The following ZNF536 variants were observed in gnomAD, a reference collection of about 807,000 sequenced individuals.
The protein encoded by ZNF536 is zinc finger protein 536.
A neutral mutation model predicts 84.5 loss-of-function variants in ZNF536; 13 were observed. The observed-to-expected ratio is 0.15, with a 90% confidence interval of 0.10 to 0.24. The LOEUF (loss-of-function observed/expected upper bound fraction) is 0.24, where lower values mean the gene tolerates loss of function less well. Ranked by LOEUF, ZNF536 falls within the 10% of genes least tolerant of loss-of-function variation. The pLI is 1.00. For synonymous variants in ZNF536, 811 were observed against 742.5 expected, an observed-to-expected ratio of 1.09 and a Z score of -1.50; for missense variants, 1,536 against 1,747.5, an observed-to-expected ratio of 0.88 and a Z score of 2.16.
chr19:30,426,880 G>T (rs772066404), intron 1 of ZNF536, among the ~76,000 whole-genome samples: 2 of 152,148 alleles, frequency 1.3e-5, no homozygotes, highest in Non-Finnish European at 2.9e-5. Context: ...TCAATAATTT[G>T]TTGGTGGGAC....
chr19:30,518,552 C>T (rs2044185180), intron 2 of ZNF536, among the ~76,000 whole-genome samples: 1 of 152,200 alleles, frequency 6.6e-6, no homozygotes, highest in South Asian at 2.1e-4. Flanking sequence ...AGTTGTCTCT[C>T]TCAATTATAG....
chr19:30,408,417 T>C (rs1248829946), intron 1 of ZNF536, among the ~76,000 whole-genome samples: 1 of 152,208 alleles, frequency 6.6e-6, no homozygotes, highest in East Asian at 1.9e-4. Context: ...ACCACCTTTG[T>C]TCCTTGAGCT....
intron 3 of ZNF536, among the ~76,000 whole-genome samples, chr19:30,352,765 A>G (rs1011516022): frequency 6.6e-6 from 1 of 152,046 alleles, no homozygotes; most frequent in Non-Finnish European, 1.5e-5. Flanking sequence ...GCACAAAGAG[A>G]TCGTGAAAAA....
intron 1 of ZNF536, among the ~76,000 whole-genome samples, chr19:30,266,451 T>C (rs543254418): frequency 1.3e-5 from 2 of 152,310 alleles, no homozygotes; most frequent in East Asian, 3.9e-4. Flanking sequence ...TTGGACCCAG[T>C]GGTGGCTTCC....
intron 1 of ZNF536, among the ~76,000 whole-genome samples, chr19:30,570,757 A>T (rs1294233070): frequency 6.6e-6 from 1 of 152,218 alleles, no homozygotes; most frequent in East Asian, 1.9e-4. Flanking sequence ...ATATCAATAA[A>T]TATACCCCTT....
chr19:30,392,534 C>T (rs769216529), intron 1 of ZNF536, among the ~76,000 whole-genome samples: 4 of 152,180 alleles, frequency 2.6e-5, no homozygotes, highest in Non-Finnish European at 4.4e-5. Flanking sequence ...CTGAATGCCA[C>T]GGCCTCCCAA....
At chr19:30,472,918 G>A (rs2053695448) in intron 2 of ZNF536, among the ~76,000 whole-genome samples, 1 of 151,918 alleles carries the variant, frequency 6.6e-6, no homozygotes, top group Non-Finnish European at 1.5e-5. Context: ...GAGGCCGGGT[G>A]AGGTGGCTCA....
intron 1 of ZNF536, among the ~76,000 whole-genome samples, chr19:30,564,020 A>C (rs190196752): frequency 4.3e-4 from 65 of 152,296 alleles, no homozygotes; most frequent in Middle Eastern, 3.4e-3. Flanking sequence ...GGAGAGTGCC[A>C]CAGAGGACCC....
At chr19:30,494,500 C>T (rs985905594) in intron 2 of ZNF536, among the ~76,000 whole-genome samples, 9 of 152,164 alleles carry the variant, frequency 5.9e-5, no homozygotes, top group Admixed American at 5.2e-4. Flanking sequence ...CAGGCAGTGG[C>T]GATGCTTCTG....
intron 1 of ZNF536, among the ~76,000 whole-genome samples, chr19:30,386,903 C>T (rs1265971322): frequency 2.0e-5 from 3 of 152,188 alleles, no homozygotes; most frequent in Non-Finnish European, 2.9e-5. Flanking sequence ...GTCTGCGGGT[C>T]GCCGGCATGG....
At chr19:30,703,407 C>A (rs1381114061) in intron 1 of ZNF536, among the ~76,000 whole-genome samples, 1 of 152,184 alleles carries the variant, frequency 6.6e-6, no homozygotes, top group African/African-American at 2.4e-5. Flanking sequence ...CCCCAGCCAA[C>A]TTAGCCCTAC....
At chr19:30,537,533 C>T (rs1014005824) in intron 3 of ZNF536, among the ~76,000 whole-genome samples, 1 of 152,174 alleles carries the variant, frequency 6.6e-6, no homozygotes, top group Non-Finnish European at 1.5e-5. Context: ...AAAGGCGGTG[C>T]CTCTCAACGA....
At chr19:30,421,956 G>A (rs1239664885) in intron 1 of ZNF536, among the ~76,000 whole-genome samples, 2 of 151,982 alleles carry the variant, frequency 1.3e-5, no homozygotes, top group Non-Finnish European at 2.9e-5. Flanking sequence ...TTCCATTTAG[G>A]GTAATGATAT....
chr19:30,646,827 C>T lies in ZNF536; in HGVS notation c.170-63930C>T, dbSNP rs145366106. The stretch of plus-strand genomic sequence containing the variant: ...GCAGGAGAATTCCACCACGTTTGGG[C>T]GCATTTCCGAAGCAAGGCTATTGAT... On this transcript the variant is annotated intron_variant, in intron 1 of 1. Coordinates refer to the ZNF536 transcript ENST00000592773. 3.0e-4 allele frequency among the ~76,000 whole-genome samples: 46 copies of T among 152,216 alleles called. 1 individual carries two copies. Among genetic ancestry groups the T allele is most frequent in the African/African-American group, 7.9e-4 (33 of 41,516 alleles).
chr19:30,436,066 G>A (rs1299617297), intron 1 of ZNF536, among the ~76,000 whole-genome samples: 1 of 152,078 alleles, frequency 6.6e-6, no homozygotes, highest in Non-Finnish European at 1.5e-5. Flanking sequence ...GAAGCTGCCT[G>A]GGGCTCCATG....
intron 1 of ZNF536, among the ~76,000 whole-genome samples, chr19:30,628,187 G>A (rs1440026437): frequency 3.9e-5 from 6 of 152,196 alleles, no homozygotes; most frequent in Non-Finnish European, 8.8e-5. Context: ...AGCTGGCTGT[G>A]GGCCAGGGCA....
chr19:30,580,878 A>C (rs768319958), intron 1 of ZNF536, among the ~76,000 whole-genome samples: 1 of 152,202 alleles, frequency 6.6e-6, no homozygotes, highest in Non-Finnish European at 1.5e-5. Context: ...TGGGGGCAGC[A>C]GAGACTGTGT....
chr19:30,239,505 C>A (rs2023783157), intron 1 of ZNF536, among the ~76,000 whole-genome samples: 2 of 152,190 alleles, frequency 1.3e-5, no homozygotes, highest in Admixed American at 6.5e-5. Flanking sequence ...CTAGAACAGA[C>A]ATGGCGGTTG....
In ZNF536 at chr19:30,298,224, C is replaced by A. The variant is rs181506087; in HGVS notation, c.-120+14083C>A. Among the ~76,000 whole-genome samples the A allele has an allele frequency of 2.0e-5, 3 of 152,270 alleles. No individual in the cohort carries two copies. In the East Asian group the frequency reaches 5.8e-4, roughly 29 times the overall value. On this transcript the variant is annotated intron_variant, in intron 2 of 5. Coordinates refer to the ZNF536 transcript ENST00000585628. The stretch of plus-strand genomic sequence containing the variant: ...CCCACCGGGTCCTCTACAGTACCCT[C>A]TTCCCTTTAGAATAGCGGGCTAATT...
Sources: allele counts gnomAD v4.1 joint callset (sites outside exome capture counted in the v4.1 genomes callset), GRCh38; gene constraint gnomAD v4.1.1; transcripts MANE v1.5; gene names NCBI Gene and HGNC (gene_info 2026-07-23, HGNC 2026-07-21).